The following DOCK8 variants were observed in gnomAD, a reference collection of about 807,000 sequenced individuals.
The protein encoded by DOCK8 is dedicator of cytokinesis 8.
Under a neutral mutation model 245.6 loss-of-function variants are expected in DOCK8, and 141 were observed. The ratio of observed to expected loss-of-function variants is 0.57; its 90% CI spans 0.50 to 0.66. DOCK8 has a LOEUF of 0.66. Among genes scored for constraint, DOCK8 ranks in the 30% least tolerant of loss-of-function variants. DOCK8 has a pLI of 0.00. For synonymous variants in DOCK8, 1,168 were observed against 970.2 expected (o/e 1.20, Z -3.79); for missense variants, 2,965 against 2,603.4 (o/e 1.14, Z -3.02).
Position 228,569 on chromosome 9 carries a change from C to T in DOCK8, c.53+13540C>T, listed in dbSNP as rs140407410. Among the ~76,000 whole-genome samples the T allele has an allele frequency of 3.7e-3, 564 of 152,162 alleles. 3 individuals are homozygous for T. The highest frequency in any genetic ancestry group is 0.013 in the African/African-American group (532 of 41,508). The stretch of plus-strand genomic sequence containing the variant: ...ACCTCCTGTGTGCTGAATTTTGCCT[C>T]CCCAACATTTTTCAGGGGAGCATGG... On this transcript the variant is annotated intron_variant, in intron 1 of 47. Transcript: ENST00000432829.
chr9:252,056 C>G (rs1236303665), intron 1 of DOCK8, among the ~76,000 whole-genome samples: 2 of 147,494 alleles, frequency 1.4e-5, no homozygotes, highest in African/African-American at 2.5e-5. Context: ...TCACTGCAAC[C>G]TCTGCCACCT....
chr9:388,106 G>GGCA (rs2054030436), intron 23 of DOCK8, among the ~76,000 whole-genome samples: 2 of 152,132 alleles, frequency 1.3e-5, no homozygotes, highest in African/African-American at 4.8e-5. Context: ...ATAAGACCCT[G>GGCA]GCAGACAAAC....
At chr9:327,289 A>G (rs762465735) in intron 8 of DOCK8, among the ~76,000 whole-genome samples, 33 of 152,054 alleles carry the variant, frequency 2.2e-4, no homozygotes, top group Non-Finnish European at 3.7e-4. Flanking sequence ...CCAACTGCAA[A>G]TGGCCTGTCA....
intron 46 of DOCK8, among the ~76,000 whole-genome samples, chr9:453,175 A>T (rs1195597294): frequency 6.6e-6 from 1 of 152,230 alleles, no homozygotes; most frequent in East Asian, 1.9e-4. Flanking sequence ...TTTGCTGCAT[A>T]TACAGGAGAC....
At position 397,032 on chromosome 9, in the gene DOCK8, TA is replaced by T. The variant is rs529336332; in HGVS notation, c.3120+102del. 721 of 1,348,390 alleles carry T rather than the reference TA, an allele frequency of 5.3e-4. 3 individuals are homozygous for T. Among genetic ancestry groups the T allele is most frequent in the Non-Finnish European group, 7.1e-5 (68 of 959,884 alleles). 83.5% of individuals were successfully genotyped at this position (1,348,390 alleles called of 1,614,324 possible). A position where few individuals can be genotyped will look rare whatever the true frequency, so the allele number is the denominator to read the frequency against. On this transcript the variant is annotated intron_variant, in intron 25 of 47. Coordinates refer to ENST00000432829, the MANE Select transcript of DOCK8 (RefSeq NM_203447.4). ...ATAAGCATCATTTTAAAACAATAAT[TA>T]AAATATAACTGTAATGACAGTTAAA...
At chr9:253,300 G>A (rs959128439) in intron 1 of DOCK8, among the ~76,000 whole-genome samples, 1 of 152,284 alleles carries the variant, frequency 6.6e-6, no homozygotes, top group Middle Eastern at 3.4e-3. Context: ...CACTTCCTAT[G>A]TGCTTTAAGG....
intron 4 of DOCK8, among the ~76,000 whole-genome samples, chr9:302,719 A>G (rs2049611483): frequency 6.6e-6 from 1 of 152,234 alleles, no homozygotes; most frequent in Non-Finnish European, 1.5e-5. Flanking sequence ...AAGAAGACAT[A>G]CATGTGGCCA....
chr9:273,377 A>C (rs182273456), intron 2 of DOCK8, among the ~76,000 whole-genome samples: 5 of 152,362 alleles, frequency 3.3e-5, no homozygotes, highest in South Asian at 2.1e-4. Flanking sequence ...GCTTTACACC[A>C]AGATAAATTA....
chr9:268,443 T>A (rs2048084038), intron 1 of DOCK8, among the ~76,000 whole-genome samples: 1 of 152,194 alleles, frequency 6.6e-6, no homozygotes, highest in Non-Finnish European at 1.5e-5. Flanking sequence ...ACATTCTGAT[T>A]TCATGATGAC....
chr9:234,835 G>A (rs967935434), intron 1 of DOCK8, among the ~76,000 whole-genome samples: 3 of 151,694 alleles, frequency 2.0e-5, no homozygotes, highest in African/African-American at 7.3e-5. Context: ...CTTTGCCATT[G>A]GTTTGAATTT....
At chr9:254,409 A>G (rs183733682) in intron 1 of DOCK8, among the ~76,000 whole-genome samples, 1 of 152,244 alleles carries the variant, frequency 6.6e-6, no homozygotes, top group East Asian at 1.9e-4. Flanking sequence ...GTACCCTATA[A>G]TTATTCAGCA....
At chr9:435,980 G>T (rs1259035000) in intron 39 of DOCK8, among the ~76,000 whole-genome samples, 4 of 152,182 alleles carry the variant, frequency 2.6e-5, no homozygotes, top group Non-Finnish European at 5.9e-5. Context: ...GAATTTACAT[G>T]GCTGATTTTA....
chr9:428,732 A>G (rs1420499455), intron 35 of DOCK8, among the ~76,000 whole-genome samples: 1 of 152,184 alleles, frequency 6.6e-6, no homozygotes, highest in Non-Finnish European at 1.5e-5. Flanking sequence ...AGAAGTTTAA[A>G]ATGGCCATTC....
chr9:303,940 A>G (rs572617699), intron 4 of DOCK8, among the ~76,000 whole-genome samples: 2 of 152,338 alleles, frequency 1.3e-5, no homozygotes, highest in Admixed American at 1.3e-4. Flanking sequence ...TGGTTTCTCT[A>G]GTCATCACTT....
intron 1 of DOCK8, among the ~76,000 whole-genome samples, chr9:269,646 C>A (rs572250320): frequency 2.3e-4 from 34 of 150,472 alleles, no homozygotes; most frequent in Admixed American, 7.3e-4. Context: ...ACCTCCGCCT[C>A]TCGGGTTCAA....
intron 1 of DOCK8, among the ~76,000 whole-genome samples, chr9:240,110 G>A (rs2047344405): frequency 6.6e-6 from 1 of 152,144 alleles, no homozygotes; most frequent in Non-Finnish European, 1.5e-5. Context: ...CCTTTGCAAG[G>A]TTTTGTGTGG....
At chr9:280,047 T>G (rs1186697613) in intron 2 of DOCK8, among the ~76,000 whole-genome samples, 2 of 152,240 alleles carry the variant, frequency 1.3e-5, no homozygotes, top group African/African-American at 2.4e-5. Flanking sequence ...GTTCTGGGGT[T>G]GTAGGAATTT....
chr9:392,700 G>T (rs952412201), intron 24 of DOCK8, among the ~76,000 whole-genome samples: 12 of 152,156 alleles, frequency 7.9e-5, no homozygotes, highest in African/African-American at 2.9e-4. Flanking sequence ...TTAAGGTGGT[G>T]GCTGCAGCTC....
intron 23 of DOCK8, among the ~76,000 whole-genome samples, chr9:387,209 C>T (rs557460308): frequency 3.3e-5 from 5 of 152,200 alleles, no homozygotes; most frequent in South Asian, 2.1e-4. Context: ...TTTCGGAGGC[C>T]GAGGTGGGTG....
Sources: gnomAD v4.1 joint callset for allele counts (sites outside exome capture counted in the v4.1 genomes callset) on GRCh38, gnomAD v4.1.1 for gene constraint, MANE v1.5 for transcripts, NCBI Gene and HGNC (gene_info 2026-07-23, HGNC 2026-07-21) for gene names.